ARHGAP21: variants seen among roughly 807,000 people sequenced by gnomAD.
ARHGAP21 encodes the protein Rho GTPase activating protein 21, also known as rho GTPase-activating protein 21.
Under a neutral mutation model 164.6 loss-of-function variants are expected in ARHGAP21, and 38 were observed. The ratio of observed to expected loss-of-function variants is 0.23; its 90% confidence interval spans 0.18 to 0.30. The LOEUF (loss-of-function observed/expected upper bound fraction) is 0.30. Ranked by LOEUF, ARHGAP21 falls within the 10% of genes least tolerant of loss-of-function variation. ARHGAP21 has a pLI of 1.00. For synonymous variants in ARHGAP21, 766 were observed against 857.9 expected (o/e 0.89, Z 1.87); for missense variants, 1,822 against 2,370.7 (o/e 0.77, Z 4.81).
At chr10:24,593,760 T>G (rs1267010394) in intron 21 of ARHGAP21, among the ~76,000 whole-genome samples, 2 of 152,120 alleles carry the variant, frequency 1.3e-5, no homozygotes, top group East Asian at 3.8e-4. Context: ...ATGTAATAGA[T>G]TTCAGAAAAT....
chr10:24,624,581 C>A (rs577073885), intron 7 of ARHGAP21, among the ~76,000 whole-genome samples: 1 of 152,012 alleles, frequency 6.6e-6, no homozygotes, highest in East Asian at 1.9e-4. Context: ...CTCAAGTGAT[C>A]CACCTGCCTC....
Position 24,621,162 on chromosome 10 carries a change from T to C in ARHGAP21, c.733A>G (p.Arg245Gly), listed in dbSNP as rs767023575. 4.3e-6 allele frequency: 7 copies of C among 1,613,790 alleles called. No homozygotes were observed. Among genetic ancestry groups the C allele is most frequent in the African/African-American group, 1.3e-5 (1 of 74,922 alleles). ...GATGGAGGCACTTGTATTTCCATTC[T>C]ATAGGCCCTACCAGGTTGTGTCAGT... The part of the protein sequence containing the change: ...PVLTQPGRAY[R>G]MEIQVPPSPT... Residue 245 changes from arginine (R) to glycine (G), a missense_variant, in exon 9 of 26, where the codon AGA becomes GGA. By Grantham distance (125) the Arg-to-Gly change is moderately radical. Transcript: ENST00000396432.
chr10:24,715,770 G>A (rs1845313658), intron 2 of ARHGAP21, among the ~76,000 whole-genome samples: 1 of 152,150 alleles, frequency 6.6e-6, no homozygotes, highest in South Asian at 2.1e-4. Context: ...CACTTTGGGA[G>A]GATGAGGTGG....
In ARHGAP21 at chr10:24,695,050, C is replaced by CAAAAAAAAAAAAAAAAA. The variant is rs570457905; in HGVS notation, c.64-24670_64-24654dup. 2.4e-4 allele frequency among the ~76,000 whole-genome samples: 19 copies of CAAAAAAAAAAAAAAAAA among 78,504 alleles called. 1 individual carries two copies. The highest frequency in any genetic ancestry group is 5.0e-4 in the East Asian group (1 of 2,012). The allele number at this position is 78,504 out of a possible 152,430, so 51.5% of individuals were successfully genotyped here. A position where few individuals can be genotyped will look rare whatever the true frequency, so the allele number is the denominator to read the frequency against. ...TGGGTAACAGAGCAAAATTCCATCT[C>CAAAAAAAAAAAAAAAAA]AAAAAAAAAAAAAAAAAAAAAAAAA... On this transcript the variant is annotated intron_variant, in intron 2 of 25. Transcript: ENST00000396432.
intron 21 of ARHGAP21, among the ~76,000 whole-genome samples, 168 bp from the exon 22 acceptor site, chr10:24,592,180 T>TTTC (rs1554961691): frequency 7.7e-6 from 1 of 130,644 alleles, no homozygotes; most frequent in African/African-American, 2.7e-5. Context: ...TTTTTTTTTT[T>TTTC]TCTGAGACAG....
intron 4 of ARHGAP21, among the ~76,000 whole-genome samples, chr10:24,662,530 G>A (rs1413522849): frequency 3.3e-5 from 5 of 152,218 alleles, no homozygotes; most frequent in African/African-American, 1.2e-4. Context: ...GCCTGAAATA[G>A]ATTAAGTTCT....
intron 2 of ARHGAP21, among the ~76,000 whole-genome samples, chr10:24,679,195 T>C (rs1051554408): frequency 6.6e-6 from 1 of 152,222 alleles, no homozygotes; most frequent in Admixed American, 6.5e-5. Flanking sequence ...TATCATAGGC[T>C]AGGTTGCTTA....
chr10:24,649,028 CAT>C (rs1444705254), intron 4 of ARHGAP21, among the ~76,000 whole-genome samples: 3 of 152,188 alleles, frequency 2.0e-5, no homozygotes, highest in African/African-American at 4.8e-5. Flanking sequence ...CTTATGTATG[CAT>C]ATGTGTACAT....
At chr10:24,700,919 T>C (rs1197265594) in intron 2 of ARHGAP21, among the ~76,000 whole-genome samples, 2 of 152,190 alleles carry the variant, frequency 1.3e-5, no homozygotes, top group South Asian at 2.1e-4. Context: ...CCGCATTTCT[T>C]ACAAGCTTCC....
In ARHGAP21 at chr10:24,584,269, A is replaced by G; in HGVS notation, c.*143T>C. On this transcript the variant is annotated 3_prime_UTR_variant, in exon 26 of 26. Transcript: ENST00000396432. ...TCTTCTGGCTGTAGTAATGCACTGT[A>G]AAGCTATTTCACAGTGCAAAATGAT... The G allele has an allele frequency of 3.7e-6, 3 of 809,248 alleles. No individual in the cohort carries two copies. The highest frequency in any genetic ancestry group is 5.9e-6 in the Non-Finnish European group (3 of 512,326). The allele number at this position is 809,248 out of a possible 1,614,324, so 50.1% of individuals were successfully genotyped here.
intron 19 of ARHGAP21, 137 bp from the exon 20 acceptor site, chr10:24,595,327 G>GT: frequency 1.2e-6 from 1 of 801,572 alleles, no homozygotes; most frequent in Non-Finnish European, 2.0e-6. Flanking sequence ...TTTCTAAAAT[G>GT]TAAGTTCCCT....
At chr10:24,698,903 G>A (rs772912738) in intron 2 of ARHGAP21, among the ~76,000 whole-genome samples, 11 of 152,124 alleles carry the variant, frequency 7.2e-5, no homozygotes, top group Non-Finnish European at 1.6e-4. Flanking sequence ...TTGCTTATAT[G>A]ACATGTTCAC....
chr10:24,689,081 C>T (rs1030969124), intron 2 of ARHGAP21, among the ~76,000 whole-genome samples: 1 of 152,116 alleles, frequency 6.6e-6, no homozygotes, highest in African/African-American at 2.4e-5. Context: ...AATCATAGAT[C>T]TAGTTGAGCC....
At chr10:24,698,548 G>A (rs1331774745) in intron 2 of ARHGAP21, among the ~76,000 whole-genome samples, 1 of 152,166 alleles carries the variant, frequency 6.6e-6, no homozygotes, top group African/African-American at 2.4e-5. Context: ...ACACCATTTA[G>A]ACTGTTCCTT....
At chr10:24,597,741 G>C (rs1451267585) in intron 15 of ARHGAP21, among the ~76,000 whole-genome samples, 158 bp from the exon 16 acceptor site, 1 of 152,156 alleles carries the variant, frequency 6.6e-6, no homozygotes, top group African/African-American at 2.4e-5. Context: ...CCCAGAATAA[G>C]AATCATCCTT....
chr10:24,713,638 CTTT>C (rs76742610), intron 2 of ARHGAP21, among the ~76,000 whole-genome samples: 3 of 135,870 alleles, frequency 2.2e-5, no homozygotes, highest in Admixed American at 7.4e-5. Flanking sequence ...TTCTTTTTTT[CTTT>C]TTTTTTTTTT....
intron 4 of ARHGAP21, 75 bp downstream of exon 4, chr10:24,666,909 AT>A (rs1281336726): frequency 9.5e-7 from 1 of 1,049,494 alleles, no homozygotes; most frequent in Non-Finnish European, 1.4e-6. Context: ...ATATCATCTC[AT>A]TTAGTATCAC....
At chr10:24,597,650 CGT>C in intron 15 of ARHGAP21, 67 bp from the exon 16 acceptor site, 1 of 1,579,038 alleles carries the variant, frequency 6.3e-7, no homozygotes, top group East Asian at 2.2e-5. Context: ...TTCAGTTACC[CGT>C]GGTGAGCCAT....
At position 24,597,536 on chromosome 10, in the gene ARHGAP21, C is replaced by G; in HGVS notation, c.3245G>C (p.Arg1082Thr). 1 of 1,614,072 alleles carries G rather than the reference C, an allele frequency of 6.2e-7. No homozygotes were observed. The highest frequency in any genetic ancestry group is 8.5e-7 in the Non-Finnish European group (1 of 1,179,968). ...TGATTTAGCACCAAGCAAAGTTTGC[C>G]TGATGCTGAGACTCTGGCGAGGTGT... ...PKTPRQSLSI[R>T]QTLLGAKSEP... Residue 1082 changes from arginine (R) to threonine (T), a missense_variant, in exon 16 of 26, where the codon AGG becomes ACG. Physicochemically the swap from Arg to Thr is moderately conservative, Grantham distance 71. This residue lies in a region of ARHGAP21 where 1,090 missense variants were observed against 1,378.9 expected (regional missense o/e 0.79). Transcript: ENST00000396432.
Sources: gnomAD v4.1 joint callset for allele counts (sites outside exome capture counted in the v4.1 genomes callset) on GRCh38, gnomAD v4.1.1 for gene constraint, gnomAD v4.1.1 regional missense constraint, MANE v1.5 for transcripts, NCBI Gene and HGNC (gene_info 2026-07-23, HGNC 2026-07-21) for gene names.